Variants in CSMD1 observed in about 807,000 individuals in gnomAD.
CSMD1 encodes the protein CUB and sushi domain-containing protein 1.
CSMD1 carries 213 observed loss-of-function variants against 417.5 expected under a neutral mutation model. That is an observed-to-expected ratio of 0.51 (90% CI 0.46 to 0.57). The LOEUF is 0.57. CSMD1 is among the 20% of genes least tolerant of loss of function. The probability of loss-of-function intolerance (pLI) is 0.00; values close to 1 mark genes in which losing one functional copy is unlikely to be tolerated. For synonymous variants in CSMD1, 2,862 were observed against 1,736.8 expected, an observed-to-expected ratio of 1.65 and a Z score of -16.11; for missense variants, 6,923 against 4,529.7, an observed-to-expected ratio of 1.53 and a Z score of -15.17.
intron 3 of CSMD1, among the ~76,000 whole-genome samples, chr8:4,254,795 G>C (rs562755418): frequency 2.0e-5 from 3 of 152,222 alleles, no homozygotes; most frequent in East Asian, 1.9e-4. Flanking sequence ...CCCTAACAAG[G>C]TGACAGGCTG....
chr8:3,473,947 G>A (rs1405787442), intron 11 of CSMD1, among the ~76,000 whole-genome samples: 1 of 152,108 alleles, frequency 6.6e-6, no homozygotes, highest in African/African-American at 2.4e-5. Context: ...GCATGTGAGG[G>A]AGGAAATGTC....
intron 5 of CSMD1, among the ~76,000 whole-genome samples, chr8:3,997,126 G>C (rs931802352): frequency 6.6e-6 from 1 of 152,156 alleles, no homozygotes; most frequent in African/African-American, 2.4e-5. Flanking sequence ...GTTTTAAAGT[G>C]TTCAGGTTTA....
At chr8:3,726,090 C>G (rs183894966) in intron 6 of CSMD1, among the ~76,000 whole-genome samples, 8 of 152,270 alleles carry the variant, frequency 5.3e-5, no homozygotes, top group Admixed American at 3.9e-4. Context: ...ACTCAAGCAG[C>G]CACCGGGAAT....
intron 17 of CSMD1, among the ~76,000 whole-genome samples, chr8:3,395,384 G>T (rs769727425): frequency 6.6e-6 from 1 of 152,096 alleles, no homozygotes; most frequent in East Asian, 1.9e-4. Context: ...GCTTTGCTTT[G>T]TTTTGTTTTA....
chr8:3,407,068 T>A (rs1354268328), intron 14 of CSMD1, among the ~76,000 whole-genome samples: 1 of 151,816 alleles, frequency 6.6e-6, no homozygotes, highest in Admixed American at 6.6e-5. Flanking sequence ...GCTGGATGAA[T>A]GGAGGGATGG....
intron 5 of CSMD1, among the ~76,000 whole-genome samples, chr8:3,862,671 T>A (rs192990563): frequency 6.6e-6 from 1 of 152,342 alleles, no homozygotes; most frequent in East Asian, 1.9e-4. Flanking sequence ...GTTATTTGCA[T>A]TCAACGTGCT....
At chr8:4,300,789 G>T (rs555536065) in intron 3 of CSMD1, among the ~76,000 whole-genome samples, 3 of 152,204 alleles carry the variant, frequency 2.0e-5, no homozygotes, top group African/African-American at 2.4e-5. Flanking sequence ...GCAGTGTTTG[G>T]TTTTTTGTCC....
At chr8:4,393,270 C>G (rs552140723) in intron 3 of CSMD1, among the ~76,000 whole-genome samples, 176 of 152,294 alleles carry the variant, frequency 1.2e-3, no homozygotes, top group Non-Finnish European at 2.2e-3. Flanking sequence ...GCCACCCCAC[C>G]TGGCCTACAA....
chr8:3,810,735 C>T (rs2929498), intron 5 of CSMD1, among the ~76,000 whole-genome samples: 198 of 152,216 alleles, frequency 1.3e-3, no homozygotes, highest in Non-Finnish European at 2.6e-3. Flanking sequence ...ATGAAAAAGC[C>T]TTGGTTCAAT....
chr8:4,561,364 C>G (rs1798322926), intron 2 of CSMD1, among the ~76,000 whole-genome samples: 1 of 152,134 alleles, frequency 6.6e-6, no homozygotes, highest in South Asian at 2.1e-4. Context: ...CAGAATGAGA[C>G]TCCATCTCAA....
intron 3 of CSMD1, among the ~76,000 whole-genome samples, chr8:4,084,377 G>C (rs1008497628): frequency 2.6e-5 from 4 of 151,062 alleles, no homozygotes; most frequent in East Asian, 1.9e-4. Flanking sequence ...TCTAGAATTA[G>C]AAACAATATG....
chr8:4,314,966 G>C lies in CSMD1; in HGVS notation c.415+104987C>G, dbSNP rs566468791. Reference sequence around the variant, plus strand: ...GTTGACATTCTACATGGTGGGAGGAGGTTTCACCTTCCCACATGGCTAATA... The same window carrying C: ...GTTGACATTCTACATGGTGGGAGGACGTTTCACCTTCCCACATGGCTAATA... On this transcript the variant is annotated intron_variant, in intron 3 of 69. Coordinates refer to ENST00000635120, the MANE Select transcript of CSMD1 (RefSeq NM_033225.6). Among the ~76,000 whole-genome samples, 18 of 152,250 alleles carry C rather than the reference G, an allele frequency of 1.2e-4. 1 individual carries two copies. Among genetic ancestry groups the C allele is most frequent in the African/African-American group, 4.3e-4 (18 of 41,530 alleles).
chr8:3,065,535 G>A (rs918777901), intron 49 of CSMD1, among the ~76,000 whole-genome samples: 1 of 152,076 alleles, frequency 6.6e-6, no homozygotes, highest in African/African-American at 2.4e-5. Flanking sequence ...TGGATACACA[G>A]ATGGATAGTT....
chr8:4,105,538 G>T (rs1234893372), intron 3 of CSMD1, among the ~76,000 whole-genome samples: 1 of 152,164 alleles, frequency 6.6e-6, no homozygotes, highest in Admixed American at 6.5e-5. Flanking sequence ...GCTGGATGCA[G>T]ACAATTAAAA....
intron 3 of CSMD1, among the ~76,000 whole-genome samples, chr8:4,393,646 G>A (rs1176022727): frequency 1.3e-5 from 2 of 152,124 alleles, no homozygotes; most frequent in African/African-American, 4.8e-5. Context: ...GAAAAGACGT[G>A]AGCACTAGCC....
At chr8:3,402,458 C>T (rs994021744) in intron 15 of CSMD1, among the ~76,000 whole-genome samples, 6 of 152,102 alleles carry the variant, frequency 3.9e-5, no homozygotes, top group African/African-American at 1.2e-4. Flanking sequence ...CACTGAGCTG[C>T]ATTGAGGAAT....
intron 3 of CSMD1, among the ~76,000 whole-genome samples, chr8:4,282,231 A>T: frequency 6.6e-6 from 1 of 152,238 alleles, no homozygotes; most frequent in East Asian, 1.9e-4. Context: ...ATAAAATCTT[A>T]CAACTGCATG....
rs1406391859 is a variant in CSMD1, at chr8:3,936,724, T to C, written c.818+61179A>G. Among the ~76,000 whole-genome samples the C allele has an allele frequency of 2.6e-5, 4 of 152,198 alleles. No homozygotes were observed. The East Asian group carries it at 5.8e-4, about 22-fold the overall frequency. On this transcript the variant is annotated intron_variant, in intron 5 of 69. Transcript: ENST00000635120. ...GAGATCTACTAGGAGATTAATGTTT[T>C]CATGCTTGTTAACACAACATCCATT... is the stretch of plus-strand genomic sequence containing the variant.
intron 18 of CSMD1, among the ~76,000 whole-genome samples, chr8:3,385,300 T>A: frequency 6.7e-6 from 1 of 149,474 alleles, no homozygotes; most frequent in East Asian, 1.9e-4. Flanking sequence ...TATAGGCCTT[T>A]ACATTTCTTG....
Sources: allele counts gnomAD v4.1 joint callset (sites outside exome capture counted in the v4.1 genomes callset), GRCh38; gene constraint gnomAD v4.1.1; transcripts MANE v1.5; gene names NCBI Gene and HGNC (gene_info 2026-07-23, HGNC 2026-07-21).